CDKAL1: variants seen among roughly 807,000 people sequenced by gnomAD.
The protein encoded by CDKAL1 is CDKAL1 threonylcarbamoyladenosine tRNA methylthiotransferase, also known as threonylcarbamoyladenosine tRNA methylthiotransferase.
CDKAL1 carries 32 observed loss-of-function variants against 68.2 expected under a neutral mutation model. The observed-to-expected ratio is 0.47, with a 90% confidence interval of 0.35 to 0.63. The LOEUF (loss-of-function observed/expected upper bound fraction) is 0.63, where lower values mean the gene tolerates loss of function less well. Among genes scored for constraint, CDKAL1 ranks in the 30% least tolerant of loss-of-function variants. CDKAL1 has a pLI of 0.00. For missense variants in CDKAL1, 606 were observed against 696.7 expected (o/e 0.87, Z 1.47); for synonymous variants, 234 against 244.3 (o/e 0.96, Z 0.39).
intron 5 of CDKAL1, 98 bp downstream of exon 5, chr6:20,649,475 T>G: frequency 1.5e-6 from 1 of 646,164 alleles, no homozygotes; most frequent in Non-Finnish European, 2.6e-6. Context: ...ATATTTAGTT[T>G]ATATTAAAAA....
intron 9 of CDKAL1, among the ~76,000 whole-genome samples, chr6:20,910,293 T>C (rs1433402138): frequency 6.6e-6 from 1 of 152,204 alleles, no homozygotes; most frequent in Non-Finnish European, 1.5e-5. Flanking sequence ...GGGAGATGTT[T>C]AGGTAATGCT....
intron 7 of CDKAL1, among the ~76,000 whole-genome samples, chr6:20,769,183 G>A (rs1230815671): frequency 6.6e-6 from 1 of 151,600 alleles, no homozygotes; most frequent in African/African-American, 2.4e-5. Context: ...ATGCAAATGA[G>A]TGACTTCACA....
intron 4 of CDKAL1, among the ~76,000 whole-genome samples, chr6:20,597,843 T>C (rs1223279323): frequency 6.6e-6 from 1 of 152,224 alleles, no homozygotes; most frequent in Non-Finnish European, 1.5e-5. Flanking sequence ...TAAATTGATA[T>C]CTAGAGAGTT....
chr6:20,832,024 G>A (rs573090772), intron 8 of CDKAL1, among the ~76,000 whole-genome samples: 58 of 152,220 alleles, frequency 3.8e-4, no homozygotes, highest in African/African-American at 5.1e-4. Flanking sequence ...CCACCGCTGC[G>A]CTGTCTGTTC....
chr6:20,754,506 T>C (rs2745930), intron 6 of CDKAL1, among the ~76,000 whole-genome samples: 24,053 of 152,214 alleles, frequency 0.16, 2,098 homozygotes, highest in East Asian at 0.34. Flanking sequence ...AATAGCTCCC[T>C]ATTCCTACGT....
intron 10 of CDKAL1, among the ~76,000 whole-genome samples, chr6:20,982,734 T>A (rs942483819): frequency 1.7e-4 from 25 of 149,954 alleles, no homozygotes; most frequent in Non-Finnish European, 3.0e-4. Context: ...GTAAGTTAGA[T>A]TTTTTTTTTA....
intron 10 of CDKAL1, among the ~76,000 whole-genome samples, chr6:20,962,140 T>G (rs766093676): frequency 1.3e-5 from 2 of 152,234 alleles, no homozygotes; most frequent in Non-Finnish European, 2.9e-5. Context: ...GTTATATATT[T>G]TTAAACATAT....
intron 8 of CDKAL1, among the ~76,000 whole-genome samples, chr6:20,818,137 T>C (rs918976231): frequency 1.3e-5 from 2 of 152,174 alleles, no homozygotes; most frequent in African/African-American, 4.8e-5. Context: ...ACTTACACAA[T>C]GTCTTTTTTG....
At chr6:20,919,013 C>G (rs1013549101) in intron 9 of CDKAL1, among the ~76,000 whole-genome samples, 1 of 152,196 alleles carries the variant, frequency 6.6e-6, no homozygotes, top group African/African-American at 2.4e-5. Context: ...AATATGCGTG[C>G]TTAATGATGG....
At chr6:20,702,448 T>C (rs1771408881) in intron 5 of CDKAL1, among the ~76,000 whole-genome samples, 1 of 152,210 alleles carries the variant, frequency 6.6e-6, no homozygotes, top group African/African-American at 2.4e-5. Context: ...AGATCACACC[T>C]GGGCTTGGGG....
intron 13 of CDKAL1, among the ~76,000 whole-genome samples, chr6:21,145,513 C>T (rs1439250932): frequency 3.3e-5 from 5 of 152,154 alleles, no homozygotes; most frequent in Non-Finnish European, 7.4e-5. Context: ...TGTGAAGGAT[C>T]AGCTTATTCC....
chr6:20,582,383 ATATT>A (rs1221258115), intron 4 of CDKAL1, among the ~76,000 whole-genome samples: 1 of 152,186 alleles, frequency 6.6e-6, no homozygotes, highest in Non-Finnish European at 1.5e-5. Flanking sequence ...GAATTTCTGT[ATATT>A]TATTTAAGTT....
intron 9 of CDKAL1, among the ~76,000 whole-genome samples, chr6:20,884,315 A>C (rs1430462535): frequency 6.6e-6 from 1 of 152,036 alleles, no homozygotes. Context: ...AAACAAACAA[A>C]AACACTAAAA....
At chr6:20,912,537 T>C (rs1403684317) in intron 9 of CDKAL1, among the ~76,000 whole-genome samples, 1 of 152,166 alleles carries the variant, frequency 6.6e-6, no homozygotes, top group East Asian at 1.9e-4. Context: ...TAATCAAGAA[T>C]GAAATCAAAG....
chr6:20,611,662 G>A (rs1199484165), intron 4 of CDKAL1, among the ~76,000 whole-genome samples: 1 of 152,094 alleles, frequency 6.6e-6, no homozygotes, highest in African/African-American at 2.4e-5. Context: ...GTAATATTTT[G>A]TTATGTGCAT....
chr6:20,945,249 C>A (rs1278897429), intron 9 of CDKAL1, among the ~76,000 whole-genome samples: 1 of 151,930 alleles, frequency 6.6e-6, no homozygotes, highest in Non-Finnish European at 1.5e-5. Flanking sequence ...TTTTGAGTGC[C>A]AACATGACAC....
At chr6:20,848,807 TG>T (rs1328220153) in intron 9 of CDKAL1, among the ~76,000 whole-genome samples, 8 of 151,250 alleles carry the variant, frequency 5.3e-5, no homozygotes, top group Non-Finnish European at 7.4e-5. Flanking sequence ...TTTTTTTTTT[TG>T]GTGACAGGGT....
At chr6:21,103,364 T>A (rs996495744) in intron 12 of CDKAL1, among the ~76,000 whole-genome samples, 18 of 152,230 alleles carry the variant, frequency 1.2e-4, no homozygotes, top group South Asian at 8.3e-4. Context: ...AAACCTGAAC[T>A]GTTAAAAATA....
chr6:20,664,445 A>G (rs1769433148), intron 5 of CDKAL1, among the ~76,000 whole-genome samples: 1 of 152,212 alleles, frequency 6.6e-6, no homozygotes, highest in Non-Finnish European at 1.5e-5. Flanking sequence ...GAATCAGATA[A>G]GCAAGTTTAT....
Sources: gnomAD v4.1 joint callset for allele counts (sites outside exome capture counted in the v4.1 genomes callset) on GRCh38, gnomAD v4.1.1 for gene constraint, MANE v1.5 for transcripts, NCBI Gene and HGNC (gene_info 2026-07-23, HGNC 2026-07-21) for gene names.